Variants in STX2 observed in about 807,000 individuals in gnomAD.
STX2 encodes the protein syntaxin 2.
Under a neutral mutation model 40.6 loss-of-function variants are expected in STX2, and 27 were observed. The ratio of observed to expected loss-of-function variants is 0.66; its 90% CI spans 0.49 to 0.92. The LOEUF (loss-of-function observed/expected upper bound fraction) is 0.92, where lower values mean the gene tolerates loss of function less well. STX2 is among the 40% of genes least tolerant of loss of function. The pLI is 0.00. For missense variants in STX2, 328 were observed against 366.1 expected, an observed-to-expected ratio of 0.90 and a Z score of 0.85; for synonymous variants, 123 against 119.1, an observed-to-expected ratio of 1.03 and a Z score of -0.22.
chr12:130,830,705 G>A (rs1041915491), intron 1 of STX2, among the ~76,000 whole-genome samples: 2 of 152,110 alleles, frequency 1.3e-5, no homozygotes, highest in African/African-American at 2.4e-5. Context: ...AAAACAAAAT[G>A]ACCAAAGCAA....
chr12:130,797,609 G>A (rs746499199), intron 9 of STX2, among the ~76,000 whole-genome samples: 5 of 152,102 alleles, frequency 3.3e-5, no homozygotes, highest in African/African-American at 4.8e-5. Flanking sequence ...TTCCTAACAC[G>A]GTGAAAATCA....
Position 130,801,271 on chromosome 12 carries a change from A to G in STX2, c.557T>C (p.Ile186Thr). The stretch of plus-strand genomic sequence containing the variant: ...GATTTCATTGAGAGCTTGTCTAGTA[A>G]TTTGTGAATCTGATATAATCTTGGA... ...FTSDIISDSQ[I>T]TRQALNEIES... Residue 186 changes from isoleucine (I) to threonine (T), a missense_variant, in exon 8 of 11, where the codon ATT becomes ACT. Transcript: ENST00000392373. The G allele has an allele frequency of 6.2e-7, 1 of 1,612,690 alleles. No individual in the cohort carries two copies. Among genetic ancestry groups the G allele is most frequent in the Non-Finnish European group, 8.5e-7 (1 of 1,179,076 alleles).
At position 130,815,060 on chromosome 12, in the gene STX2, C is replaced by A. The variant is rs554560785; in HGVS notation, c.206-2029G>T. Among the ~76,000 whole-genome samples the A allele has an allele frequency of 1.7e-3, 258 of 152,182 alleles. 1 individual carries two copies. The highest frequency in any genetic ancestry group is 3.1e-3 in the Non-Finnish European group (213 of 68,004). On this transcript the variant is annotated intron_variant, in intron 3 of 10. Transcript: ENST00000392373. Reference sequence around the variant, plus strand: ...GCCAACCTGGGCAACTAGCAACATGCCATCTCTATTTAAAAAAGGAAAGAA... The same window carrying A: ...GCCAACCTGGGCAACTAGCAACATGACATCTCTATTTAAAAAAGGAAAGAA...
intron 1 of STX2, among the ~76,000 whole-genome samples, chr12:130,829,212 T>C (rs1333349585): frequency 6.6e-6 from 1 of 152,182 alleles, no homozygotes; most frequent in East Asian, 1.9e-4. Context: ...GGTCTGACTT[T>C]ACAAAACTTC....
rs935974594 is a variant in STX2, at chr12:130,817,681, C to G, written c.205+4008G>C. 5.9e-5 allele frequency among the ~76,000 whole-genome samples: 9 copies of G among 151,378 alleles called. 1 individual carries two copies. The highest frequency in any genetic ancestry group is 5.9e-5 in the Non-Finnish European group (4 of 67,844). ...CAGTAAAACTGCTAAAACCAAAGAC[C>G]AAAAACCAAATATCTTAAAAGCTCT... On this transcript the variant is annotated intron_variant, in intron 3 of 10. Coordinates refer to ENST00000392373, the MANE Select transcript of STX2 (RefSeq NM_194356.4).
At position 130,798,744 on chromosome 12, in the gene STX2, T is replaced by TG. The variant is rs142875537; in HGVS notation, c.676-110dup. On this transcript the variant is annotated intron_variant, in intron 8 of 10. Coordinates refer to ENST00000392373, the MANE Select transcript of STX2 (RefSeq NM_194356.4). The stretch of plus-strand genomic sequence containing the variant: ...TTATATAAACACGATGTGCATGTAA[T>TG]GGATACTGAGGGTTTTTTTCACATT... 4,428 of 712,456 alleles carry TG rather than the reference T, an allele frequency of 6.2e-3. 170 individuals are homozygous for TG. The African/African-American group carries it at 0.074, about 12-fold the overall frequency. 44.1% of individuals were successfully genotyped at this position (712,456 alleles called of 1,614,324 possible).
At chr12:130,802,268 G>A (rs911264682) in intron 6 of STX2, among the ~76,000 whole-genome samples, 1 of 152,210 alleles carries the variant, frequency 6.6e-6, no homozygotes, top group Non-Finnish European at 1.5e-5. Context: ...CACCGTCGCA[G>A]CTCACTGCAA....
At chr12:130,834,617 T>C (rs1319620490) in intron 1 of STX2, among the ~76,000 whole-genome samples, 1 of 152,216 alleles carries the variant, frequency 6.6e-6, no homozygotes, top group African/African-American at 2.4e-5. Context: ...GATTAATCTG[T>C]AAAAACATAT....
At chr12:130,834,370 A>T (rs1756783355) in intron 1 of STX2, among the ~76,000 whole-genome samples, 1 of 151,762 alleles carries the variant, frequency 6.6e-6, no homozygotes, top group South Asian at 2.1e-4. Flanking sequence ...AAAAAAAAAA[A>T]AAAAAAAGGT....
chr12:130,805,284 G>C (rs910310133), intron 6 of STX2, among the ~76,000 whole-genome samples: 8 of 152,142 alleles, frequency 5.3e-5, no homozygotes, highest in South Asian at 2.1e-4. Context: ...TCTACAAAAC[G>C]ATTTCCAAGA....
chr12:130,839,103 C>G lies in STX2; in HGVS notation c.-4G>C. On this transcript the variant is annotated 5_prime_UTR_variant, in exon 1 of 11. Coordinates refer to ENST00000392373, the MANE Select transcript of STX2 (RefSeq NM_194356.4). ...GGTCTGGCAGCCGGTCCCGCATCCC[C>G]GCCGGCCGGGCAGCGCGCCCCGCCG... The G allele has an allele frequency of 1.5e-6, 2 of 1,290,878 alleles. No individual in the cohort carries two copies. The highest frequency in any genetic ancestry group is 3.0e-4 in the Middle Eastern group (1 of 3,386). The allele number at this position is 1,290,878 out of a possible 1,614,324, so 80.0% of individuals were successfully genotyped here. A position where few individuals can be genotyped will look rare whatever the true frequency, so the allele number is the denominator to read the frequency against.
intron 6 of STX2, among the ~76,000 whole-genome samples, chr12:130,804,348 C>T (rs1346678546): frequency 6.6e-6 from 1 of 152,196 alleles, no homozygotes; most frequent in Non-Finnish European, 1.5e-5. Context: ...GTGACGCCAT[C>T]CTGAAGCAAA....
rs1950856280 is a variant in STX2 at position 130,790,733 on chromosome 12, T to A, written c.*1290A>T. ...GTACTGAACCTCAGTTTCATCACCG[T>A]CTTAAATTCAGACTTCATTCATGTA... is the stretch of plus-strand genomic sequence containing the variant. On this transcript the variant is annotated 3_prime_UTR_variant, in exon 11 of 11. Transcript: ENST00000392373. 6.6e-6 allele frequency: 1 copy of A among 152,344 alleles called. No homozygotes were observed. The highest frequency in any genetic ancestry group is 2.4e-5 in the African/African-American group (1 of 41,452). 9.4% of individuals were successfully genotyped at this position (152,344 alleles called of 1,614,324 possible).
At chr12:130,813,624 G>T (rs926893874) in intron 3 of STX2, among the ~76,000 whole-genome samples, 2 of 152,230 alleles carry the variant, frequency 1.3e-5, no homozygotes, top group Non-Finnish European at 2.9e-5. Flanking sequence ...AGGGAGGCCA[G>T]CAGAGCAGGA....
At chr12:130,823,297 G>A (rs561502660) in intron 2 of STX2, among the ~76,000 whole-genome samples, 1 of 152,176 alleles carries the variant, frequency 6.6e-6, no homozygotes, top group Non-Finnish European at 1.5e-5. Context: ...GGGCAACAGA[G>A]CAAGACCCTG....
At chr12:130,802,213 T>G (rs1410626801) in intron 6 of STX2, among the ~76,000 whole-genome samples, 19 of 152,242 alleles carry the variant, frequency 1.2e-4, no homozygotes, top group Admixed American at 1.2e-3. Flanking sequence ...CGCTTTGTTT[T>G]TTGAGACAGG....
intron 8 of STX2, among the ~76,000 whole-genome samples, chr12:130,800,308 T>G (rs755815593): frequency 0.014 from 2,168 of 151,720 alleles, 33 homozygotes; most frequent in Middle Eastern, 0.031. Context: ...TATTTTTTTT[T>G]TTTTTTTTTG....
At chr12:130,816,681 A>G (rs1394086190) in intron 3 of STX2, among the ~76,000 whole-genome samples, 1 of 152,218 alleles carries the variant, frequency 6.6e-6, no homozygotes, top group Admixed American at 6.5e-5. Context: ...AATAAATAAA[A>G]TAAAATAATT....
intron 1 of STX2, among the ~76,000 whole-genome samples, chr12:130,830,591 T>G (rs1205172072): frequency 6.6e-6 from 1 of 152,258 alleles, no homozygotes; most frequent in Non-Finnish European, 1.5e-5. Context: ...TCTTAAGCCT[T>G]GACTTATATG....
Sources: gnomAD v4.1 joint callset for allele counts (sites outside exome capture counted in the v4.1 genomes callset) on GRCh38, gnomAD v4.1.1 for gene constraint, MANE v1.5 for transcripts, NCBI Gene and HGNC (gene_info 2026-07-23, HGNC 2026-07-21) for gene names.